TES: variants seen among roughly 807,000 people sequenced by gnomAD.
TES encodes testin.
TES carries 41 observed loss-of-function variants against 48.2 expected under a neutral mutation model. That is an observed-to-expected ratio of 0.85 (90% CI 0.66 to 1.10). The LOEUF is 1.10. Among genes scored for constraint, TES ranks in the 50% least tolerant of loss-of-function variants. TES has a pLI of 0.00. For synonymous variants in TES, 162 were observed against 174.9 expected (o/e 0.93, Z 0.58); for missense variants, 463 against 515.1 (o/e 0.90, Z 0.98).
chr7:116,254,750 ATATATATATGTGTG>A (rs1563016442), intron 6 of TES, among the ~76,000 whole-genome samples: 5 of 67,636 alleles, frequency 7.4e-5, no homozygotes, highest in African/African-American at 3.5e-4. Flanking sequence ...CAAAAAAAAT[ATATATATATGTGTG>A]TGTGTGTGTG....
chr7:116,212,075 AG>A (rs1186760331), intron 1 of TES, among the ~76,000 whole-genome samples: 1 of 152,104 alleles, frequency 6.6e-6, no homozygotes, highest in Non-Finnish European at 1.5e-5. Flanking sequence ...ATGGGGGAAA[AG>A]CGGGGAAAGC....
At chr7:116,244,933 C>T (rs956388063) in intron 2 of TES, among the ~76,000 whole-genome samples, 2 of 152,164 alleles carry the variant, frequency 1.3e-5, no homozygotes, top group African/African-American at 4.8e-5. Context: ...CAAGCTATAC[C>T]TTGGCCCCTT....
intron 1 of TES, among the ~76,000 whole-genome samples, chr7:116,232,617 A>G (rs1309996378): frequency 6.6e-6 from 1 of 152,208 alleles, no homozygotes; most frequent in Non-Finnish European, 1.5e-5. Flanking sequence ...ACATGTAACT[A>G]TGCTTATTAC....
intron 4 of TES, among the ~76,000 whole-genome samples, chr7:116,251,306 A>G (rs1451444035): frequency 6.6e-6 from 1 of 152,214 alleles, no homozygotes; most frequent in Non-Finnish European, 1.5e-5. Flanking sequence ...GTTATTATCT[A>G]CATCGACAAA....
At chr7:116,228,008 G>GTTTTTTTTTTTTTT (rs77777605) in intron 1 of TES, among the ~76,000 whole-genome samples, 1 of 122,964 alleles carries the variant, frequency 8.1e-6, no homozygotes. Flanking sequence ...TCTTTTTTTT[G>GTTTTTTTTTTTTTT]TTTTTTTTTT....
intron 2 of TES, among the ~76,000 whole-genome samples, chr7:116,247,984 T>G (rs907705147): frequency 6.6e-6 from 1 of 152,160 alleles, no homozygotes; most frequent in African/African-American, 2.4e-5. Flanking sequence ...CCCACTCTAA[T>G]ATTCCCTAGT....
rs115613868 is a variant in TES at position 116,222,981 on chromosome 7, G to A, written c.28-11553G>A. The A allele has an allele frequency of 9.7e-4, 956 of 985,162 alleles. 4 individuals carry two copies. The African/African-American group carries it at 0.016, about 16-fold the overall frequency. 61.0% of individuals were successfully genotyped at this position (985,162 alleles called of 1,614,324 possible). On this transcript the variant is annotated intron_variant, in intron 1 of 6. Transcript: ENST00000358204. ...GTCTTTCTCAAAGTAACGGATTCAG[G>A]AGGAGTCCTTTTCTGAGTAGAGTCC...
chr7:116,245,194 G>GA (rs1274381759), intron 2 of TES, among the ~76,000 whole-genome samples: 3 of 152,272 alleles, frequency 2.0e-5, no homozygotes, highest in Non-Finnish European at 2.9e-5. Flanking sequence ...TCCCTCCCCA[G>GA]AAAATAACTT....
At chr7:116,228,663 T>G (rs113171727) in intron 1 of TES, among the ~76,000 whole-genome samples, 363 of 152,296 alleles carry the variant, frequency 2.4e-3, no homozygotes, top group African/African-American at 8.6e-3. Context: ...GAGTTACAAG[T>G]GATTCTGACT....
rs930019388 is a variant in TES at position 116,217,505 on chromosome 7, G to T, written c.27+6771G>T. On this transcript the variant is annotated intron_variant, in intron 1 of 6. Transcript: ENST00000358204. ...GGTAACCAAAATTATGATTTTAAAA[G>T]AATTGTTTATTAAATCATTAATATA... Among the ~76,000 whole-genome samples the T allele has an allele frequency of 4.6e-5, 7 of 151,950 alleles. No individual in the cohort carries two copies. The South Asian group carries it at 8.3e-4, about 18-fold the overall frequency.
intron 4 of TES, 113 bp downstream of exon 4, chr7:116,250,609 A>T (rs929412881): frequency 1.3e-6 from 1 of 796,566 alleles, no homozygotes; most frequent in Non-Finnish European, 1.8e-6. Context: ...GGGAATAAGT[A>T]TGGGGAATAA....
intron 1 of TES, among the ~76,000 whole-genome samples, chr7:116,233,260 T>A (rs1422430428): frequency 6.6e-6 from 1 of 152,182 alleles, no homozygotes; most frequent in Non-Finnish European, 1.5e-5. Flanking sequence ...CTCTTTTTTT[T>A]CCAATATCAG....
chr7:116,254,305 G>A (rs567607568), intron 6 of TES, among the ~76,000 whole-genome samples: 1 of 145,506 alleles, frequency 6.9e-6, no homozygotes, highest in Non-Finnish European at 1.5e-5. Context: ...TATTGAAACA[G>A]ATGAAACTGC....
chr7:116,210,743 GC>G lies in TES; in HGVS notation c.27+10del. On this transcript the variant is annotated intron_variant, in intron 1 of 6. Transcript: ENST00000358204. ...AAAACAAAGTGAAGAAGGTAGGGGG[GC>G]GCTCGTGGCGGGCGGCGGCTGCTTC... 3 of 1,242,986 alleles carry G rather than the reference GC, an allele frequency of 2.4e-6. No homozygotes were observed. The highest frequency in any genetic ancestry group is 3.0e-6 in the Non-Finnish European group (3 of 983,638). 77.0% of individuals were successfully genotyped at this position (1,242,986 alleles called of 1,614,324 possible). A position where few individuals can be genotyped will look rare whatever the true frequency, so the allele number is the denominator to read the frequency against.
At chr7:116,252,818 G>A (rs1448349303) in intron 6 of TES, 5 of 324,696 alleles carry the variant, frequency 1.5e-5, no homozygotes, top group Admixed American at 1.3e-4. Context: ...AGGGGCTATT[G>A]ATATTCTTTA....
chr7:116,234,395 TATC>T (rs2116596446), intron 1 of TES, 136 bp from the exon 2 acceptor site: 1 of 669,250 alleles, frequency 1.5e-6, no homozygotes, highest in South Asian at 1.8e-5. Flanking sequence ...CATACCTGGG[TATC>T]ATCATTGACT....
intron 1 of TES, among the ~76,000 whole-genome samples, chr7:116,227,206 C>G (rs941780827): frequency 4.6e-5 from 7 of 151,428 alleles, no homozygotes; most frequent in African/African-American, 1.5e-4. Context: ...AACCTCTGTC[C>G]CCTGAGTTCA....
At chr7:116,210,812 G>C (rs1304436987) in intron 1 of TES, 78 bp downstream of exon 1, 5 of 1,194,798 alleles carry the variant, frequency 4.2e-6, no homozygotes, top group Admixed American at 4.4e-5. Context: ...GAGGTGCCGA[G>C]GTGGGTGGGG....
intron 2 of TES, chr7:116,243,766 A>G (rs951162251): frequency 3.3e-5 from 5 of 152,196 alleles, no homozygotes; most frequent in Admixed American, 3.3e-4. Context: ...GACTGAGTGT[A>G]TTAGTCTGCT....
Sources: allele counts gnomAD v4.1 joint callset (sites outside exome capture counted in the v4.1 genomes callset), GRCh38; gene constraint gnomAD v4.1.1; transcripts MANE v1.5; gene names NCBI Gene and HGNC (gene_info 2026-07-23, HGNC 2026-07-21).